The following RIN2 variants were observed in gnomAD, a reference collection of about 807,000 sequenced individuals.
The protein encoded by RIN2 is RAB5 interacting protein 2.
A neutral mutation model predicts 78.0 loss-of-function variants in RIN2; 36 were observed. The observed-to-expected ratio is 0.46, with a 90% CI of 0.35 to 0.61. The LOEUF (loss-of-function observed/expected upper bound fraction) is 0.61, where lower values mean the gene tolerates loss of function less well. RIN2 is among the 20% of genes least tolerant of loss of function. RIN2 has a pLI of 0.00. For missense variants in RIN2, 1,087 were observed against 1,159.7 expected, an observed-to-expected ratio of 0.94 and a Z score of 0.91; for synonymous variants, 466 against 466.8, an observed-to-expected ratio of 1.00 and a Z score of 0.02.
At chr20:19,802,157 GTTA>G (rs2122720499) in intron 2 of RIN2, among the ~76,000 whole-genome samples, 1 of 152,290 alleles carries the variant, frequency 6.6e-6, no homozygotes, top group African/African-American at 2.4e-5. Context: ...AGGTGGGATT[GTTA>G]TTATTCTCAT....
intron 2 of RIN2, among the ~76,000 whole-genome samples, chr20:19,842,612 A>G (rs1041618625): frequency 7.9e-5 from 12 of 151,982 alleles, no homozygotes; most frequent in African/African-American, 2.7e-4. Context: ...TTAGAAAAAA[A>G]TACATTTCTT....
intron 2 of RIN2, among the ~76,000 whole-genome samples, chr20:19,872,709 A>C (rs1413496950): frequency 6.6e-6 from 1 of 152,216 alleles, no homozygotes; most frequent in African/African-American, 2.4e-5. Context: ...TTAAAGGATA[A>C]ATATTCTAAA....
rs2042743416 is a variant in RIN2, at chr20:19,990,007, T to A, written c.1764T>A (p.Asp588Glu). 6.5e-7 allele frequency: 1 copy of A among 1,549,914 alleles called. No homozygotes were observed. The highest frequency in any genetic ancestry group is 2.0e-5 in the Admixed American group (1 of 48,942). Residue 588 changes from aspartate to glutamate, a missense_variant and splice_region_variant, in exon 10 of 13, where the codon GAT becomes GAA. This residue lies in a region of RIN2 where 39 missense variants were observed against 34.9 expected (regional missense o/e 1.12). Transcript: ENST00000255006. ...TAGTAGCTACACTTTCTTTGGCAGA[T>A]GTGGTGCTGGAAAAAGCCATGCACA... Reference protein sequence around the residue: ...IESLIPEDQIDVVLEKAMHKC... With the variant: ...IESLIPEDQIEVVLEKAMHKC...
chr20:20,000,416 A>G (rs930720414), intron 12 of RIN2, among the ~76,000 whole-genome samples, 197 bp from the exon 13 acceptor site: 1 of 152,202 alleles, frequency 6.6e-6, no homozygotes, highest in African/African-American at 2.4e-5. Flanking sequence ...GCAATGAATC[A>G]TGTAGTCATC....
At chr20:19,914,539 T>C (rs964451713) in intron 3 of RIN2, among the ~76,000 whole-genome samples, 5 of 152,204 alleles carry the variant, frequency 3.3e-5, no homozygotes, top group Non-Finnish European at 7.3e-5. Context: ...ATCGATGTGT[T>C]AATCAATTGC....
chr20:19,860,474 C>A (rs1173445711), intron 2 of RIN2, among the ~76,000 whole-genome samples: 1 of 136,016 alleles, frequency 7.4e-6, no homozygotes, highest in Non-Finnish European at 1.6e-5. Context: ...CACACACCAC[C>A]ACACCCAGCT....
intron 2 of RIN2, among the ~76,000 whole-genome samples, chr20:19,849,776 A>G (rs1263224963): frequency 1.3e-5 from 2 of 152,230 alleles, no homozygotes; most frequent in African/African-American, 4.8e-5. Flanking sequence ...AGAGCCAGAT[A>G]ATGGCATAGC....
At chr20:19,866,570 C>T (rs982065175) in intron 2 of RIN2, among the ~76,000 whole-genome samples, 2 of 152,114 alleles carry the variant, frequency 1.3e-5, no homozygotes, top group Admixed American at 1.3e-4. Flanking sequence ...AAATTTCAAG[C>T]TTTTAAAAAA....
At chr20:19,951,952 A>T (rs1192476200) in intron 4 of RIN2, among the ~76,000 whole-genome samples, 1 of 152,194 alleles carries the variant, frequency 6.6e-6, no homozygotes, top group Non-Finnish European at 1.5e-5. Context: ...GCTAGTTTCT[A>T]TGAATCTCAT....
chr20:19,913,624 T>C (rs2039567262), intron 3 of RIN2, among the ~76,000 whole-genome samples: 1 of 152,208 alleles, frequency 6.6e-6, no homozygotes, highest in Admixed American at 6.5e-5. Context: ...ACCCTTCTGC[T>C]TCCTGTTTCT....
intron 9 of RIN2, among the ~76,000 whole-genome samples, chr20:19,988,067 G>C (rs2042677086): frequency 6.6e-6 from 1 of 152,174 alleles, no homozygotes; most frequent in Admixed American, 6.5e-5. Context: ...AATTCAATAA[G>C]ATCTGATCCA....
intron 2 of RIN2, among the ~76,000 whole-genome samples, chr20:19,849,841 G>T (rs1406829934): frequency 6.6e-6 from 1 of 152,120 alleles, no homozygotes; most frequent in Non-Finnish European, 1.5e-5. Flanking sequence ...GTCTCTTAAT[G>T]CCTCAAAACA....
rs1017852161 is a variant in RIN2 at position 19,851,900 on chromosome 20, C to T, written c.-36-37666C>T. Among the ~76,000 whole-genome samples, 11 of 152,260 alleles carry T rather than the reference C, an allele frequency of 7.2e-5. No individual in the cohort carries two copies. The East Asian group carries it at 1.5e-3, about 21-fold the overall frequency. On this transcript the variant is annotated intron_variant, in intron 2 of 12. Transcript: ENST00000255006. ...AACAAGCACTTCTTTCTCACACTTA[C>T]GTATGCAGGCTGGCTGAAGTCCAGC... is the stretch of plus-strand genomic sequence containing the variant.
In RIN2 at chr20:19,908,237, A is replaced by G. The variant is rs980876837; in HGVS notation, c.57+18579A>G. ...CCAGGCGCGGTGGCTCACACCTACAATCCCAGCACTTTGGGAGGCCGAGGT... is the reference window on the plus strand; with the variant it reads ...CCAGGCGCGGTGGCTCACACCTACAGTCCCAGCACTTTGGGAGGCCGAGGT... On this transcript the variant is annotated intron_variant, in intron 3 of 12. Coordinates refer to ENST00000255006, the MANE Select transcript of RIN2 (RefSeq NM_018993.4). Among the ~76,000 whole-genome samples, 25 of 152,260 alleles carry G rather than the reference A, an allele frequency of 1.6e-4. No individual in the cohort carries two copies. The Middle Eastern group carries it at 0.014, about 83-fold the overall frequency.
chr20:19,897,604 T>A (rs6515047), intron 3 of RIN2, among the ~76,000 whole-genome samples: 47,850 of 152,042 alleles, frequency 0.31, 8,650 homozygotes, highest in Non-Finnish European at 0.4. Flanking sequence ...CGTAACCTCC[T>A]GCTCTGGTTC....
In RIN2 at chr20:19,785,827, G is replaced by A. The variant is rs1044244331; in HGVS notation, c.-162-13795G>A. On this transcript the variant is annotated intron_variant, in intron 1 of 12. Coordinates refer to ENST00000255006, the MANE Select transcript of RIN2 (RefSeq NM_018993.4). The stretch of plus-strand genomic sequence containing the variant: ...AACTTTTCAGAGATGTTTTCAAATT[G>A]TAATGAATGACTACCATAAATGATG... Among the ~76,000 whole-genome samples, 5 of 152,262 alleles carry A rather than the reference G, an allele frequency of 3.3e-5. No individual in the cohort carries two copies. The East Asian group carries it at 5.8e-4, about 18-fold the overall frequency.
intron 9 of RIN2, among the ~76,000 whole-genome samples, chr20:19,979,324 T>C (rs777524724): frequency 6.6e-6 from 1 of 152,216 alleles, no homozygotes; most frequent in Non-Finnish European, 1.5e-5. Context: ...TAGAAGTCAG[T>C]AGCAGAAAAG....
chr20:19,980,663 C>T (rs2042420609), intron 9 of RIN2, among the ~76,000 whole-genome samples: 1 of 152,192 alleles, frequency 6.6e-6, no homozygotes. Flanking sequence ...TAAAATGCTG[C>T]ACGAATTGTG....
chr20:19,944,654 A>T (rs574941999), intron 4 of RIN2, among the ~76,000 whole-genome samples: 1 of 152,208 alleles, frequency 6.6e-6, no homozygotes, highest in East Asian at 1.9e-4. Context: ...CATGATATAC[A>T]TGGAAATTTT....
Sources: gnomAD v4.1 joint callset for allele counts (sites outside exome capture counted in the v4.1 genomes callset) on GRCh38, gnomAD v4.1.1 for gene constraint, gnomAD v4.1.1 regional missense constraint, MANE v1.5 for transcripts, NCBI Gene and HGNC (gene_info 2026-07-23, HGNC 2026-07-21) for gene names.